AAMDC: variants seen among roughly 807,000 people sequenced by gnomAD.
AAMDC encodes the protein adipogenesis associated Mth938 domain containing, also known as mth938 domain-containing protein.
Under a neutral mutation model 15.5 loss-of-function variants are expected in AAMDC, and 16 were observed. The ratio of observed to expected loss-of-function variants is 1.03; its 90% CI spans 0.70 to 1.57. AAMDC has a LOEUF of 1.57. Ranked by LOEUF, AAMDC falls within the 40% of genes most tolerant of loss-of-function variation. AAMDC has a pLI of 0.00. For synonymous variants in AAMDC, 51 were observed against 51.6 expected, an observed-to-expected ratio of 0.99 and a Z score of 0.05; for missense variants, 141 against 144.9, an observed-to-expected ratio of 0.97 and a Z score of 0.14.
intron 2 of AAMDC, chr11:77,850,528 AG>A (rs1363816248): frequency 6.6e-6 from 1 of 152,186 alleles, no homozygotes; most frequent in African/African-American, 2.4e-5. Context: ...TTAGACTGAA[AG>A]GGGTCAAGAA....
intron 2 of AAMDC, among the ~76,000 whole-genome samples, chr11:77,845,322 T>C (rs941803266): frequency 3.3e-5 from 5 of 152,212 alleles, no homozygotes; most frequent in African/African-American, 1.2e-4. Flanking sequence ...CTGGATAATC[T>C]CAATTGACCT....
downstream of AAMDC, chr11:77,901,627 A>C (rs1952780783): frequency 2.7e-6 from 3 of 1,114,642 alleles, no homozygotes; most frequent in Admixed American, 5.8e-5. Context: ...TTCTACTGTT[A>C]AATGACCTTA....
chr11:77,822,266 C>CTTT (rs1269053602), intron 1 of AAMDC, among the ~76,000 whole-genome samples: 2 of 151,706 alleles, frequency 1.3e-5, no homozygotes, highest in East Asian at 3.9e-4. Flanking sequence ...ATGGTGAAAC[C>CTTT]CCGTCTCTAG....
chr11:77,845,579 C>A (rs1359508044), intron 2 of AAMDC, among the ~76,000 whole-genome samples: 1 of 151,944 alleles, frequency 6.6e-6, no homozygotes, highest in Non-Finnish European at 1.5e-5. Flanking sequence ...TACAGGTGCA[C>A]CCCACCATGT....
intron 1 of AAMDC, among the ~76,000 whole-genome samples, chr11:77,825,275 C>G (rs1003021848): frequency 1.3e-4 from 20 of 151,946 alleles, no homozygotes; most frequent in Admixed American, 1.2e-3. Flanking sequence ...AGCCACCAGG[C>G]CTGGCTGCTT....
At chr11:77,853,008 T>C (rs1180919380) in intron 2 of AAMDC, among the ~76,000 whole-genome samples, 2 of 152,244 alleles carry the variant, frequency 1.3e-5, no homozygotes, top group Non-Finnish European at 2.9e-5. Context: ...AATAACCATG[T>C]ACATTTTTTT....
chr11:77,872,494 A>ATT, downstream of AAMDC: 1 of 587,398 alleles, frequency 1.7e-6, no homozygotes, highest in Non-Finnish European at 2.7e-6. Context: ...GTGCTAAAAG[A>ATT]AAAAAAGATG....
rs570101594 is a variant in AAMDC at position 77,877,879 on chromosome 11, C to G, written c.328+830C>G. 7.9e-5 allele frequency among the ~76,000 whole-genome samples: 12 copies of G among 152,256 alleles called. No homozygotes were observed. In the East Asian group the frequency reaches 2.1e-3, roughly 27 times the overall value. On this transcript the variant is annotated intron_variant, in intron 5 of 5. Coordinates refer to the AAMDC transcript ENST00000304716. ...GGATTATAGGCATGAGCCACAGCCCCCAGCCCCATGCCTAAAACTTTTAAC... is the reference window on the plus strand; with the variant it reads ...GGATTATAGGCATGAGCCACAGCCCGCAGCCCCATGCCTAAAACTTTTAAC...
chr11:77,874,221 G>A (rs761181010), downstream of AAMDC, among the ~76,000 whole-genome samples: 7 of 152,166 alleles, frequency 4.6e-5, no homozygotes, highest in Non-Finnish European at 8.8e-5. Context: ...TTGAAGTCTC[G>A]GAAGGATCTG....
intron 5 of AAMDC, chr11:77,891,470 C>T: frequency 1.2e-6 from 2 of 1,613,588 alleles, no homozygotes; most frequent in South Asian, 2.2e-5. Flanking sequence ...GATCTGTAAG[C>T]AAGAGGAAAA....
At chr11:77,853,562 C>T (rs111632188) in intron 2 of AAMDC, among the ~76,000 whole-genome samples, 5,914 of 152,188 alleles carry the variant, frequency 0.039, 161 homozygotes, top group Non-Finnish European at 0.06. Flanking sequence ...GATTATAATT[C>T]GATATGAGAT....
chr11:77,875,432 T>C (rs1455895329), downstream of AAMDC, among the ~76,000 whole-genome samples: 1 of 152,206 alleles, frequency 6.6e-6, no homozygotes, highest in Non-Finnish European at 1.5e-5. Context: ...TTTTTAACTT[T>C]CATGAAAATG....
intron 2 of AAMDC, among the ~76,000 whole-genome samples, chr11:77,853,442 T>C (rs770394344): frequency 1.3e-5 from 2 of 151,812 alleles, no homozygotes; most frequent in East Asian, 1.9e-4. Context: ...GCTATATACT[T>C]TTAAACAACC....
At position 77,869,317 on chromosome 11, in the gene AAMDC, T is replaced by TC. The variant is rs200263568; in HGVS notation, c.133-405_133-404insC. On this transcript the variant is annotated intron_variant, in intron 2 of 3. Transcript: ENST00000393427. Reference sequence around the variant, plus strand: ...TCGTTTATTTATCTCTTTTTCTTTTTTTTTTTTTTTTTTTAGATAGGGTCT... The same window carrying TC: ...TCGTTTATTTATCTCTTTTTCTTTTTCTTTTTTTTTTTTTTAGATAGGGTCT... 1.7e-3 allele frequency: 284 copies of TC among 163,948 alleles called. 2 individuals are homozygous for TC. Among genetic ancestry groups the TC allele is most frequent in the African/African-American group, 5.8e-3 (233 of 39,900 alleles). The allele number at this position is 163,948 out of a possible 1,614,324, so 10.2% of individuals were successfully genotyped here. A position where few individuals can be genotyped will look rare whatever the true frequency, so the allele number is the denominator to read the frequency against.
chr11:77,839,217 C>T (rs1393905039), intron 1 of AAMDC, among the ~76,000 whole-genome samples: 1 of 152,088 alleles, frequency 6.6e-6, no homozygotes, highest in African/African-American at 2.4e-5. Flanking sequence ...TTGCTCACTG[C>T]AGCCTCAAAC....
intron 2 of AAMDC, chr11:77,866,443 A>G (rs1477448292): frequency 6.6e-6 from 1 of 152,212 alleles, no homozygotes; most frequent in Non-Finnish European, 1.5e-5. Context: ...CCTCAATAAT[A>G]GTCTCAAGCT....
At chr11:77,868,357 C>CTTT (rs575872676) in intron 2 of AAMDC, among the ~76,000 whole-genome samples, 4 of 116,778 alleles carry the variant, frequency 3.4e-5, no homozygotes, top group East Asian at 2.5e-4. Flanking sequence ...GCCCAGCCGC[C>CTTT]TTTTTTTTTT....
At chr11:77,890,030 G>A (rs1265112657) in intron 5 of AAMDC, among the ~76,000 whole-genome samples, 2 of 152,100 alleles carry the variant, frequency 1.3e-5, no homozygotes, top group Non-Finnish European at 2.9e-5. Context: ...GTGTCCATAG[G>A]CCCTATTCTC....
At chr11:77,849,475 C>G in intron 2 of AAMDC, among the ~76,000 whole-genome samples, 1 of 152,162 alleles carries the variant, frequency 6.6e-6, no homozygotes, top group Non-Finnish European at 1.5e-5. Flanking sequence ...CTGCCCATCT[C>G]GGCCTCTCAA....
Sources: allele counts gnomAD v4.1 joint callset (sites outside exome capture counted in the v4.1 genomes callset), GRCh38; gene constraint gnomAD v4.1.1; transcripts MANE v1.5; gene names NCBI Gene and HGNC (gene_info 2026-07-23, HGNC 2026-07-21).